PCDHGB3: variants seen among roughly 807,000 people sequenced by gnomAD.
PCDHGB3 encodes protocadherin gamma-B3.
Under a neutral mutation model 59.2 loss-of-function variants are expected in PCDHGB3, and 40 were observed. That is an observed-to-expected ratio of 0.68 (90% CI 0.52 to 0.88). The LOEUF is 0.88. Ranked by LOEUF, PCDHGB3 falls within the 40% of genes least tolerant of loss-of-function variation. The pLI is 0.00. For missense variants in PCDHGB3, 1,309 were observed against 1,187.9 expected (o/e 1.10, Z -1.50); for synonymous variants, 581 against 503.6 (o/e 1.15, Z -2.06).
At position 141,370,832 on chromosome 5, in the gene PCDHGB3, T is replaced by C; in HGVS notation, c.438T>C (p.Ala146=). The C allele has an allele frequency of 6.2e-7, 1 of 1,614,018 alleles. No homozygotes were observed. Residue 146 remains alanine (A), a synonymous_variant, in exon 1 of 4, where the codon GCT becomes GCC. Coordinates refer to ENST00000576222, the MANE Select transcript of PCDHGB3 (RefSeq NM_018924.5). Reference sequence around the variant, plus strand: ...CTGAGCTGGAAATCAGCGAACTGGCTCTCACTGGAGCCACATTTGCCCTGG... The same window carrying C: ...CTGAGCTGGAAATCAGCGAACTGGCCCTCACTGGAGCCACATTTGCCCTGG... The part of the protein sequence containing the change: ...NITELEISEL[A]LTGATFALES...
chr5:141,421,927 C>T (rs1179128418), intron 1 of PCDHGB3: 2 of 1,613,396 alleles, frequency 1.2e-6, no homozygotes, highest in African/African-American at 2.7e-5. Flanking sequence ...TGTGGTGGTC[C>T]TCGATGTAAA....
intron 2 of PCDHGB3, among the ~76,000 whole-genome samples, chr5:141,500,935 C>A (rs1159997919): frequency 1.3e-5 from 2 of 151,694 alleles, no homozygotes; most frequent in Non-Finnish European, 2.9e-5. Flanking sequence ...GTGGCGCCAT[C>A]TCGGCTCACT....
In PCDHGB3 at chr5:141,477,101, G is replaced by A. The variant is rs770640663; in HGVS notation, c.2416-17706G>A. On this transcript the variant is annotated intron_variant, in intron 1 of 3. Transcript: ENST00000576222. The surrounding 1 kb of genome is among the most constrained non-coding windows in gnomAD (Gnocchi z 4.9). ...TTACATCCAGGCCAAAGACAAGGGC[G>A]CCAATCCCGAAGGAGCACATTGCAA... 2 of 1,614,262 alleles carry A rather than the reference G, an allele frequency of 1.2e-6. No individual in the cohort carries two copies. Among genetic ancestry groups the A allele is most frequent in the East Asian group, 2.2e-5 (1 of 44,884 alleles).
At chr5:141,430,573 A>T (rs938248057) in intron 1 of PCDHGB3, 2 of 449,056 alleles carry the variant, frequency 4.5e-6, no homozygotes, top group Non-Finnish European at 7.6e-6. Flanking sequence ...AGAAAAGCGG[A>T]GATCCTGCTC....
intron 1 of PCDHGB3, chr5:141,383,037 A>G: frequency 6.2e-7 from 1 of 1,613,816 alleles, no homozygotes; most frequent in Non-Finnish European, 8.5e-7. Context: ...CCTTTGTGGG[A>G]GACATCGCCA....
chr5:141,490,585 G>C lies in PCDHGB3; in HGVS notation c.2416-4222G>C. On this transcript the variant is annotated intron_variant, in intron 1 of 3. Transcript: ENST00000576222. The surrounding 1 kb of genome is among the most constrained non-coding windows in gnomAD (Gnocchi z 5.4). Reference sequence around the variant, plus strand: ...CAGGCTCAACATTTCAGATGTCAATGACAATGCACCCCGCTTCAACCAGCA... The same window carrying C: ...CAGGCTCAACATTTCAGATGTCAATCACAATGCACCCCGCTTCAACCAGCA... The C allele has an allele frequency of 6.2e-7, 1 of 1,614,142 alleles. No homozygotes were observed. Among genetic ancestry groups the C allele is most frequent in the South Asian group, 1.1e-5 (1 of 91,078 alleles).
intron 1 of PCDHGB3, among the ~76,000 whole-genome samples, chr5:141,402,328 A>G (rs1589453798): frequency 6.6e-6 from 1 of 152,000 alleles, no homozygotes; most frequent in Non-Finnish European, 1.5e-5. Context: ...ACATTTACAA[A>G]TATATAGGTA....
chr5:141,478,372 G>A (rs778468803), intron 1 of PCDHGB3: 2 of 1,613,704 alleles, frequency 1.2e-6, no homozygotes, highest in Non-Finnish European at 8.5e-7. Flanking sequence ...GAGGCCTGAT[G>A]TCGCCGCACC....
At position 141,372,047 on chromosome 5, in the gene PCDHGB3, G is replaced by C. The variant is rs1768347911; in HGVS notation, c.1653G>C (p.Leu551Phe). The C allele has an allele frequency of 1.2e-6, 2 of 1,613,408 alleles. No homozygotes were observed. Among genetic ancestry groups the C allele is most frequent in the Non-Finnish European group, 1.7e-6 (2 of 1,179,790 alleles). ...GCGCCAACGTGAGCCTGCGCGTGTT[G>C]GTGGACGACCGCAACGACAATGCAC... ...TLSANVSLRV[L>F]VDDRNDNAPL... Residue 551 changes from leucine (L) to phenylalanine (F), a missense_variant, in exon 1 of 4, where the codon TTG becomes TTC. Transcript: ENST00000576222.
At chr5:141,420,537 T>C (rs1246315357) in intron 1 of PCDHGB3, 2 of 317,450 alleles carry the variant, frequency 6.3e-6, no homozygotes, top group Non-Finnish European at 1.1e-5. Context: ...GTTAAAAATA[T>C]AAAATACAGG....
intron 1 of PCDHGB3, among the ~76,000 whole-genome samples, chr5:141,464,094 G>A (rs540562188): frequency 7.4e-4 from 112 of 151,988 alleles, no homozygotes; most frequent in Non-Finnish European, 1.1e-3. Context: ...GTGAAACTCC[G>A]TCTCTACTAA....
chr5:141,473,776 T>C (rs1026169931), intron 1 of PCDHGB3, among the ~76,000 whole-genome samples: 1 of 152,214 alleles, frequency 6.6e-6, no homozygotes, highest in Non-Finnish European at 1.5e-5. Context: ...TTTGGTATTT[T>C]AATTCAAGAG....
At chr5:141,403,143 T>A in intron 1 of PCDHGB3, 1 of 1,613,850 alleles carries the variant, frequency 6.2e-7, no homozygotes, top group Non-Finnish European at 8.5e-7. Flanking sequence ...GAGCGCCGAG[T>A]CCGCATCGTC....
intron 1 of PCDHGB3, chr5:141,398,831 C>T: frequency 6.2e-7 from 1 of 1,614,014 alleles, no homozygotes; most frequent in South Asian, 1.1e-5. Context: ...GTAACCGACG[C>T]CAATGATAAT....
At chr5:141,426,756 G>C in intron 1 of PCDHGB3, 1 of 456,302 alleles carries the variant, frequency 2.2e-6, no homozygotes, top group Non-Finnish European at 4.4e-6. Context: ...ATCTGCTATA[G>C]ATGCAGATGT....
intron 1 of PCDHGB3, among the ~76,000 whole-genome samples, chr5:141,406,298 T>G (rs2154537368): frequency 6.6e-6 from 1 of 152,178 alleles, no homozygotes; most frequent in East Asian, 1.9e-4. Flanking sequence ...GGGTGAGGTG[T>G]GAACCACCTC....
At chr5:141,404,142 CAGA>C (rs781433913) in intron 1 of PCDHGB3, 21 of 1,612,668 alleles carry the variant, frequency 1.3e-5, no homozygotes, top group Middle Eastern at 1.6e-4. Context: ...TTAGAAAATT[CAGA>C]AGAAGATTAT....
At chr5:141,500,326 A>T (rs1041431019) in intron 2 of PCDHGB3, among the ~76,000 whole-genome samples, 7 of 152,022 alleles carry the variant, frequency 4.6e-5, no homozygotes, top group Non-Finnish European at 1.0e-4. Context: ...CTCCTGCCTC[A>T]GCCTCCAGAA....
rs200519543 is a variant in PCDHGB3, at chr5:141,439,190, C to CAA, written c.2416-55603_2416-55602dup. 3.7e-3 allele frequency among the ~76,000 whole-genome samples: 409 copies of CAA among 111,790 alleles called. 4 individuals are homozygous for CAA. The highest frequency in any genetic ancestry group is 0.029 in the East Asian group (112 of 3,852). The allele number at this position is 111,790 out of a possible 152,430, so 73.3% of individuals were successfully genotyped here. A position where few individuals can be genotyped will look rare whatever the true frequency, so the allele number is the denominator to read the frequency against. On this transcript the variant is annotated intron_variant, in intron 1 of 3. Transcript: ENST00000576222. Reference sequence around the variant, plus strand: ...CCTGGGCGACATAGTGAGACTCTGACAAAAAAAAAAAAAAATCCATATGTG... The same window carrying CAA: ...CCTGGGCGACATAGTGAGACTCTGACAAAAAAAAAAAAAAAAATCCATATGTG...
Sources: allele counts gnomAD v4.1 joint callset (sites outside exome capture counted in the v4.1 genomes callset), GRCh38; gene constraint gnomAD v4.1.1; non-coding constraint Gnocchi (gnomAD v3.1); transcripts MANE v1.5; gene names NCBI Gene and HGNC (gene_info 2026-07-23, HGNC 2026-07-21).